The following USP32 variants were observed in gnomAD, a reference collection of about 807,000 sequenced individuals.
USP32 encodes the protein ubiquitin carboxyl-terminal hydrolase 32.
Under a neutral mutation model 204.8 loss-of-function variants are expected in USP32, and 59 were observed. That is an observed-to-expected ratio of 0.29 (90% CI 0.23 to 0.36). USP32 has a LOEUF of 0.36. Among genes scored for constraint, USP32 ranks in the 10% least tolerant of loss-of-function variants. USP32 has a pLI of 1.00. For missense variants in USP32, 1,160 were observed against 1,946.4 expected (o/e 0.60, Z 7.60); for synonymous variants, 517 against 678.4 (o/e 0.76, Z 3.70).
At chr17:60,330,371 G>C (rs1047545369) in intron 2 of USP32, among the ~76,000 whole-genome samples, 15 of 152,104 alleles carry the variant, frequency 9.9e-5, no homozygotes, top group Non-Finnish European at 1.0e-4. Context: ...TTTCATGGAA[G>C]TGAATTATCC....
chr17:60,413,820 G>A (rs892604290), intron 1 of USP32, among the ~76,000 whole-genome samples: 12 of 130,398 alleles, frequency 9.2e-5, no homozygotes, highest in Admixed American at 8.9e-4. Flanking sequence ...AGCTGAGATC[G>A]CACCGCTGCA....
intron 5 of USP32, among the ~76,000 whole-genome samples, chr17:60,283,154 G>T (rs2087013106): frequency 6.6e-6 from 1 of 152,224 alleles, no homozygotes; most frequent in South Asian, 2.1e-4. Context: ...ATTGTCAAGG[G>T]CTGAAAGATG....
Position 60,183,239 on chromosome 17 carries a change from G to T in USP32, c.4049C>A (p.Ser1350Ter). Residue 1350 changes from serine (S) to a stop codon, truncating the protein, a stop_gained, in exon 31 of 34, where the codon TCG becomes TAG. Transcript: ENST00000300896. LOFTEE classifies it high-confidence loss of function. ...REVKKVDAQS[S>*]AGEEDVLLSK... The stretch of plus-strand genomic sequence containing the variant: ...CAGGAGCACGTCCTCTTCCCCAGCC[G>T]AACTCTGCGCATCCACTTTCTTCAC... The T allele has an allele frequency of 6.2e-7, 1 of 1,613,980 alleles. No homozygotes were observed. Among genetic ancestry groups the T allele is most frequent in the Non-Finnish European group, 8.5e-7 (1 of 1,179,870 alleles).
In USP32 at chr17:60,367,024, T is replaced by C. The variant is rs578137128; in HGVS notation, c.59-21416A>G. Among the ~76,000 whole-genome samples the C allele has an allele frequency of 2.6e-5, 4 of 152,300 alleles. No individual in the cohort carries two copies. In the South Asian group the frequency reaches 8.3e-4, roughly 32 times the overall value. The stretch of plus-strand genomic sequence containing the variant: ...TTATAGTTTTAGTAGAGACGGGGTT[T>C]CACCGTGTTAGCCAGGATGGTCTCA... On this transcript the variant is annotated intron_variant, in intron 1 of 33. Coordinates refer to ENST00000300896, the MANE Select transcript of USP32 (RefSeq NM_032582.4).
chr17:60,228,747 C>A (rs1163680555), intron 12 of USP32, among the ~76,000 whole-genome samples: 1 of 151,924 alleles, frequency 6.6e-6, no homozygotes, highest in Non-Finnish European at 1.5e-5. Flanking sequence ...TGGCCTCAAC[C>A]CAGGGGGTGG....
chr17:60,422,317 G>GC lies in USP32; in HGVS notation c.34dup (p.Ala12GlyfsTer67), dbSNP rs1480742300. ...GCGCCAGCCTCTCCTGGCCTGCTGT[G>GC]CGCTCTGCCAAAGTCTTCGCTCGAC... On this transcript the variant is annotated frameshift_variant, in exon 1 of 4. Transcript: ENST00000588898. LOFTEE classifies it high-confidence loss of function. 4.8e-6 allele frequency: 3 copies of GC among 628,152 alleles called. No individual in the cohort carries two copies. Among genetic ancestry groups the GC allele is most frequent in the African/African-American group, 1.9e-5 (1 of 52,870 alleles). 38.9% of individuals were successfully genotyped at this position (628,152 alleles called of 1,614,324 possible).
At chr17:60,391,479 G>C (rs1439626557) in intron 1 of USP32, among the ~76,000 whole-genome samples, 1 of 152,122 alleles carries the variant, frequency 6.6e-6, no homozygotes, top group Non-Finnish European at 1.5e-5. Flanking sequence ...AGGCTGTTAG[G>C]AACGAGGTTA....
At chr17:60,372,501 T>C (rs2089459850) in intron 1 of USP32, among the ~76,000 whole-genome samples, 1 of 149,288 alleles carries the variant, frequency 6.7e-6, no homozygotes, top group Non-Finnish European at 1.5e-5. Context: ...TCTAAACATA[T>C]CTAAACATAG....
chr17:60,286,442 C>T (rs939731385), intron 5 of USP32, among the ~76,000 whole-genome samples: 5 of 152,156 alleles, frequency 3.3e-5, no homozygotes, highest in South Asian at 4.1e-4. Context: ...ATGGGAGATG[C>T]TGCCACAAAC....
chr17:60,308,273 A>G (rs2087775767), intron 2 of USP32, among the ~76,000 whole-genome samples: 1 of 152,230 alleles, frequency 6.6e-6, no homozygotes, highest in Non-Finnish European at 1.5e-5. Flanking sequence ...AAGAGCACAC[A>G]TTAACACAAA....
chr17:60,385,449 G>A (rs185996198), intron 1 of USP32, among the ~76,000 whole-genome samples: 7 of 152,316 alleles, frequency 4.6e-5, no homozygotes, highest in South Asian at 2.1e-4. Flanking sequence ...TGGAGTCTGA[G>A]GCAAGAGAAT....
At chr17:60,237,195 C>G (rs2085753661) in intron 11 of USP32, among the ~76,000 whole-genome samples, 1 of 151,828 alleles carries the variant, frequency 6.6e-6, no homozygotes, top group Admixed American at 6.6e-5. Context: ...GGCTGGAGTG[C>G]AGTGGTGCAA....
At chr17:60,302,190 C>T (rs1216354284) in intron 2 of USP32, among the ~76,000 whole-genome samples, 1 of 151,856 alleles carries the variant, frequency 6.6e-6, no homozygotes, top group African/African-American at 2.4e-5. Flanking sequence ...GGCTGGAGTG[C>T]AATGGCGTCA....
rs141312789 is a variant in USP32 at position 60,211,404 on chromosome 17, A to C, written c.2290T>G (p.Ser764Ala). ...TTGAGTTCATAAAGATGTCTCCCTG[A>C]GATAAAATACTGTGTCAGTGGCTGT... Reference protein sequence around the residue: ...NTQPLTQYFISGRHLYELNRT... With the variant: ...NTQPLTQYFIAGRHLYELNRT... Residue 764 changes from serine (S) to alanine (A), a missense_variant, in exon 20 of 34, where the codon TCA (serine) becomes GCA (alanine). Transcript: ENST00000300896. 1.4e-5 allele frequency: 23 copies of C among 1,612,692 alleles called. No individual in the cohort carries two copies. Among genetic ancestry groups the C allele is most frequent in the Non-Finnish European group, 1.9e-5 (23 of 1,179,510 alleles).
intron 2 of USP32, among the ~76,000 whole-genome samples, chr17:60,341,817 G>A (rs1432256478): frequency 6.6e-6 from 1 of 152,020 alleles, no homozygotes; most frequent in African/African-American, 2.4e-5. Flanking sequence ...CTTTTTTCAA[G>A]GTTTTTTAGC....
At chr17:60,207,716 A>C (rs1429097379) in intron 24 of USP32, 2 of 187,258 alleles carry the variant, frequency 1.1e-5, no homozygotes, top group African/African-American at 2.4e-5. Flanking sequence ...TAACAGCGGT[A>C]ATACAGAAGA....
At chr17:60,394,995 C>T (rs1334103062), upstream of USP32, among the ~76,000 whole-genome samples, 4 of 152,252 alleles carry the variant, frequency 2.6e-5, no homozygotes, top group South Asian at 2.1e-4. Context: ...CCACCAACCT[C>T]GGCCTCCCAA....
intron 2 of USP32, among the ~76,000 whole-genome samples, chr17:60,307,225 G>A (rs1003497325): frequency 1.3e-5 from 2 of 151,470 alleles, no homozygotes; most frequent in African/African-American, 2.4e-5. Flanking sequence ...TCAGCCTCCC[G>A]AGTAGCTGGG....
intron 1 of USP32, among the ~76,000 whole-genome samples, chr17:60,371,065 C>T (rs1406926957): frequency 6.6e-6 from 1 of 150,940 alleles, no homozygotes; most frequent in African/African-American, 2.4e-5. Flanking sequence ...CCCATCTCTA[C>T]AATAAAAATA....
Sources: gnomAD v4.1 joint callset for allele counts (sites outside exome capture counted in the v4.1 genomes callset) on GRCh38, gnomAD v4.1.1 for gene constraint, MANE v1.5 for transcripts, NCBI Gene and HGNC (gene_info 2026-07-23, HGNC 2026-07-21) for gene names.